Variants in FRMPD4 observed in about 807,000 individuals in gnomAD.
FRMPD4 encodes FERM and PDZ domain-containing protein 4.
In FRMPD4, 22 loss-of-function variants were observed where a neutral mutation model predicts 94.1. That is an observed-to-expected ratio of 0.23 (90% CI 0.17 to 0.33). The LOEUF (loss-of-function observed/expected upper bound fraction) is 0.33, where lower values mean the gene tolerates loss of function less well. FRMPD4 is among the 10% of genes least tolerant of loss of function. The pLI is 1.00. For missense variants in FRMPD4, 1,111 were observed against 1,339.9 expected (o/e 0.83, Z 2.67); for synonymous variants, 631 against 548.6 (o/e 1.15, Z -2.10).
intron 3 of FRMPD4, among the ~76,000 whole-genome samples, chrX:12,096,056 C>G (rs762825425): frequency 5.3e-4 from 59 of 112,241 alleles, no homozygotes; most frequent in Non-Finnish European, 9.6e-4. Flanking sequence ...GCCTTATTTT[C>G]TTGTGTTTCT....
rs142249737 is a variant in FRMPD4 at position 12,464,096 on chromosome X, C to T, written c.42-34584C>T. Among the ~76,000 whole-genome samples the T allele has an allele frequency of 2.6e-3, 291 of 111,398 alleles. 2 individuals carry two copies. The highest frequency in any genetic ancestry group is 9.2e-3 in the African/African-American group (282 of 30,708). On this transcript the variant is annotated intron_variant, in intron 1 of 16. Transcript: ENST00000675598. ...CCCATTGCCAAAAGAGTTTGCTGACCCCTAGTATAGAACTTGCCTGAGACT... is the reference window on the plus strand; with the variant it reads ...CCCATTGCCAAAAGAGTTTGCTGACTCCTAGTATAGAACTTGCCTGAGACT...
Position 12,207,387 on chromosome X carries a change from G to A in FRMPD4, c.41+68375G>A, listed in dbSNP as rs756345881. ...CTCTTTTAATTTTTTAAAAAGAAAC[G>A]TTGAATCAGAAACAAATCTCTAAGG... On this transcript the variant is annotated intron_variant, in intron 1 of 16. Transcript: ENST00000675598. Among the ~76,000 whole-genome samples the A allele has an allele frequency of 2.1e-4, 23 of 111,178 alleles. No homozygotes were observed. In the East Asian group the frequency reaches 4.2e-3, roughly 20 times the overall value.
chrX:12,667,496 AT>A (rs2059791776), intron 4 of FRMPD4, among the ~76,000 whole-genome samples: 1 of 112,273 alleles, frequency 8.9e-6, no homozygotes, highest in South Asian at 3.7e-4. Flanking sequence ...ATATATTATA[AT>A]TTTTAAATGG....
intron 1 of FRMPD4, among the ~76,000 whole-genome samples, chrX:12,171,578 C>T (rs974980414): frequency 6.3e-5 from 7 of 111,308 alleles, no homozygotes; most frequent in Admixed American, 5.7e-4. Flanking sequence ...TGGCAAGATA[C>T]TGGAGATAAA....
chrX:12,263,360 A>G (rs1432748877), intron 1 of FRMPD4, among the ~76,000 whole-genome samples: 3 of 111,604 alleles, frequency 2.7e-5, no homozygotes. Context: ...CAAGCAGACA[A>G]ATGTGGCTGG....
chrX:12,514,940 T>C (rs754534761), intron 2 of FRMPD4, among the ~76,000 whole-genome samples: 5 of 112,001 alleles, frequency 4.5e-5, no homozygotes, highest in Non-Finnish European at 9.4e-5. Flanking sequence ...CCTGATTCAG[T>C]CTTGGGAGGG....
chrX:11,847,189 AAAAC>A (rs2053582642), intron 1 of FRMPD4, among the ~76,000 whole-genome samples: 1 of 110,874 alleles, frequency 9.0e-6, no homozygotes, highest in African/African-American at 3.3e-5. Flanking sequence ...TTACAAGCAA[AAAAC>A]AAACAACCCC....
intron 3 of FRMPD4, 24 bp downstream of exon 3, chrX:12,609,905 G>A: frequency 8.5e-7 from 1 of 1,175,326 alleles, no homozygotes; most frequent in Non-Finnish European, 1.2e-6. Flanking sequence ...CCCAGTTCTT[G>A]GTTTCCTGGG....
intron 9 of FRMPD4, among the ~76,000 whole-genome samples, chrX:12,697,809 T>C (rs752015001): frequency 1.8e-3 from 197 of 111,834 alleles, no homozygotes; most frequent in Non-Finnish European, 2.8e-3. Context: ...AGGCAGTGAA[T>C]TAGCCACCTC....
chrX:12,390,856 A>G (rs2056465041), intron 1 of FRMPD4, among the ~76,000 whole-genome samples: 1 of 112,112 alleles, frequency 8.9e-6, no homozygotes, highest in African/African-American at 3.2e-5. Context: ...TAGTGGCTCA[A>G]GAGGTACTTT....
chrX:12,496,647 G>GT lies in FRMPD4; in HGVS notation c.42-2023dup, dbSNP rs371089724. ...TTATAGATAAATACTTACAAAGGGT[G>GT]TTTTTTTTTTCTACTTGCACTTTTA... On this transcript the variant is annotated intron_variant, in intron 1 of 16. Coordinates refer to ENST00000675598, the MANE Select transcript of FRMPD4 (RefSeq NM_001368397.1). 4.1e-3 allele frequency among the ~76,000 whole-genome samples: 436 copies of GT among 107,566 alleles called. 2 individuals are homozygous for GT. Among genetic ancestry groups the GT allele is most frequent in the African/African-American group, 0.012 (355 of 29,726 alleles). 93.4% of individuals were successfully genotyped at this position (107,566 alleles called of 115,157 possible). A position where few individuals can be genotyped will look rare whatever the true frequency, so the allele number is the denominator to read the frequency against.
intron 1 of FRMPD4, among the ~76,000 whole-genome samples, chrX:12,247,265 T>C (rs1179398098): frequency 9.0e-6 from 1 of 111,457 alleles, no homozygotes; most frequent in Non-Finnish European, 1.9e-5. Context: ...TATTGTCAAA[T>C]GGCCCCTGGA....
intron 3 of FRMPD4, among the ~76,000 whole-genome samples, chrX:11,924,448 C>A (rs185647492): frequency 9.0e-6 from 1 of 111,395 alleles, no homozygotes; most frequent in African/African-American, 3.3e-5. Flanking sequence ...CCCAAGGACA[C>A]ATAATCATCA....
intron 1 of FRMPD4, among the ~76,000 whole-genome samples, 166 bp downstream of exon 1, chrX:12,139,178 G>T (rs951569521): frequency 2.7e-5 from 3 of 111,891 alleles, no homozygotes; most frequent in Non-Finnish European, 5.6e-5. Context: ...CTCACTGGCT[G>T]CTGAGGCTTG....
At chrX:12,395,218 C>T (rs2056527312) in intron 1 of FRMPD4, among the ~76,000 whole-genome samples, 1 of 112,241 alleles carries the variant, frequency 8.9e-6, no homozygotes, top group Non-Finnish European at 1.9e-5. Context: ...GGAGGCTTCT[C>T]TGGGGCACTG....
rs7051490 is a variant in FRMPD4 at position 12,108,577 on chromosome X, T to G, written c.95+230559T>G. On this transcript the variant is annotated intron_variant, in intron 3 of 18. Coordinates refer to the FRMPD4 transcript ENST00000640291. ...GGATCAAATTCACACATAACAATAT[T>G]AACCTTAAATGTAAATGGGCTAAAT... Among the ~76,000 whole-genome samples the G allele has an allele frequency of 5.5e-3, 620 of 111,836 alleles. 4 individuals are homozygous for G. The highest frequency in any genetic ancestry group is 0.019 in the African/African-American group (580 of 30,715).
At chrX:12,646,052 T>C (rs1048033676) in intron 4 of FRMPD4, among the ~76,000 whole-genome samples, 1 of 112,154 alleles carries the variant, frequency 8.9e-6, no homozygotes, top group Admixed American at 9.5e-5. Flanking sequence ...TTTTAGAGGA[T>C]AGATAAGGAA....
intron 1 of FRMPD4, among the ~76,000 whole-genome samples, chrX:12,362,856 C>G (rs1231115317): frequency 8.9e-6 from 1 of 111,897 alleles, no homozygotes; most frequent in Admixed American, 9.4e-5. Context: ...TCCACATCCT[C>G]TCCAGCACCT....
At chrX:12,122,147 T>C (rs917534283) in intron 3 of FRMPD4, among the ~76,000 whole-genome samples, 1 of 112,119 alleles carries the variant, frequency 8.9e-6, no homozygotes. Context: ...ACATATGTAC[T>C]CTGGCTCCAG....
Sources: gnomAD v4.1 joint callset for allele counts (sites outside exome capture counted in the v4.1 genomes callset) on GRCh38, gnomAD v4.1.1 for gene constraint, MANE v1.5 for transcripts, NCBI Gene and HGNC (gene_info 2026-07-23, HGNC 2026-07-21) for gene names.